KIAA1671: variants seen among roughly 807,000 people sequenced by gnomAD.
KIAA1671 encodes the protein KIAA1671.
In KIAA1671, 52 loss-of-function variants were observed where a neutral mutation model predicts 131.2. That is an observed-to-expected ratio of 0.40 (90% CI 0.32 to 0.50). The LOEUF is 0.50. KIAA1671 is among the 20% of genes least tolerant of loss of function. The probability of loss-of-function intolerance (pLI) is 0.73; values close to 1 mark genes in which losing one functional copy is unlikely to be tolerated. For missense variants in KIAA1671, 2,360 were observed against 2,364.2 expected (o/e 1.00, Z 0.04); for synonymous variants, 1,003 against 961.6 (o/e 1.04, Z -0.80).
At chr22:25,068,127 C>T (rs1928580784) in intron 6 of KIAA1671, among the ~76,000 whole-genome samples, 1 of 152,250 alleles carries the variant, frequency 6.6e-6, no homozygotes, top group South Asian at 2.1e-4. Context: ...GCTGGCTTTT[C>T]AGCTGTACTG....
At position 25,040,212 on chromosome 22, in the gene KIAA1671, T is replaced by C. The variant is rs1046201579; in HGVS notation, c.3082T>C (p.Phe1028Leu). Residue 1028 changes from phenylalanine (F) to leucine (L), a missense_variant, in exon 5 of 13, where the codon TTT becomes CTT. Phe to Leu is a conservative substitution (Grantham distance 22). This residue lies in a region of KIAA1671 where 1,161 missense variants were observed against 1,204.7 expected (regional missense o/e 0.96). Transcript: ENST00000358431. ...GSPVEPKATF[F>L]AVTYQIPNTQ... ...ACCTGTGGAACCCAAGGCGACATTT[T>C]TTGCAGTCACCTATCAGATTCCCAA... 2.6e-6 allele frequency: 4 copies of C among 1,551,574 alleles called. No homozygotes were observed. Among genetic ancestry groups the C allele is most frequent in the Non-Finnish European group, 3.5e-6 (4 of 1,147,026 alleles).
intron 6 of KIAA1671, chr22:25,060,072 G>A (rs1220671551): frequency 6.6e-6 from 1 of 152,222 alleles, no homozygotes; most frequent in East Asian, 1.9e-4. Flanking sequence ...GGGATTTCGT[G>A]ACAAATGGTG....
intron 6 of KIAA1671, among the ~76,000 whole-genome samples, chr22:25,090,316 A>T (rs1929963583): frequency 6.6e-6 from 1 of 152,238 alleles, no homozygotes; most frequent in Non-Finnish European, 1.5e-5. Flanking sequence ...TGAGAAGCCC[A>T]CAATGGCAGG....
intron 6 of KIAA1671, among the ~76,000 whole-genome samples, chr22:25,068,926 C>T (rs117625561): frequency 0.018 from 2,711 of 152,324 alleles, 41 homozygotes; most frequent in Non-Finnish European, 0.028. Flanking sequence ...ACACCTCCCC[C>T]GCCTCAGTTT....
At position 25,038,845 on chromosome 22, in the gene KIAA1671, C is replaced by A; in HGVS notation, c.1715C>A (p.Thr572Lys). ...ACACTCCGGGATAAGTCCAGGCAGA[C>A]GGAGCAGAAGGTTAGCTCTAACCAA... ...PGTLRDKSRQ[T>K]EQKVSSNQDP... The change falls in exon 5 of 13, where the codon ACG becomes AAG. Residue 572 changes from threonine (T) to lysine (K), a missense_variant. Physicochemically the swap from Thr to Lys is moderately conservative, Grantham distance 78 (BLOSUM62 -1). Coordinates refer to ENST00000358431, the MANE Select transcript of KIAA1671 (RefSeq NM_001145206.2). 1 of 1,551,750 alleles carries A rather than the reference C, an allele frequency of 6.4e-7. No homozygotes were observed. The highest frequency in any genetic ancestry group is 2.4e-5 in the East Asian group (1 of 40,914).
intron 6 of KIAA1671, among the ~76,000 whole-genome samples, chr22:25,150,656 C>T (rs183404324): frequency 1.8e-3 from 278 of 152,230 alleles, no homozygotes; most frequent in African/African-American, 6.3e-3. Flanking sequence ...AGAACTCGGG[C>T]GTAGCTGGAT....
chr22:25,159,316 G>A (rs16979674), intron 6 of KIAA1671, among the ~76,000 whole-genome samples: 35,012 of 152,062 alleles, frequency 0.23, 4,085 homozygotes, highest in South Asian at 0.36. Context: ...TGCACACCAC[G>A]GTGGATGACT....
chr22:25,106,177 C>G (rs747442372), intron 6 of KIAA1671, among the ~76,000 whole-genome samples: 1 of 152,164 alleles, frequency 6.6e-6, no homozygotes, highest in Non-Finnish European at 1.5e-5. Flanking sequence ...GGGCAGGGGA[C>G]AAAGCTAACT....
chr22:25,036,880 C>T (rs1031366453), intron 4 of KIAA1671, among the ~76,000 whole-genome samples: 4 of 151,044 alleles, frequency 2.6e-5, no homozygotes, highest in African/African-American at 9.7e-5. Context: ...GCCGAGATCG[C>T]GCCATTGTAC....
intron 5 of KIAA1671, among the ~76,000 whole-genome samples, chr22:25,046,781 G>C (rs915723780): frequency 3.9e-5 from 6 of 152,086 alleles, no homozygotes; most frequent in African/African-American, 1.4e-4. Context: ...GGTTGCCTAT[G>C]GGAGTAACAC....
At chr22:25,093,748 C>G (rs56376507) in intron 6 of KIAA1671, among the ~76,000 whole-genome samples, 56 of 111,470 alleles carry the variant, frequency 5.0e-4, no homozygotes, top group Non-Finnish European at 8.3e-4. Flanking sequence ...CTCTCTCTCT[C>G]TCTCTCTCTC....
intron 6 of KIAA1671, among the ~76,000 whole-genome samples, chr22:25,164,988 T>C (rs1242859477): frequency 3.8e-4 from 48 of 126,086 alleles, no homozygotes; most frequent in African/African-American, 1.9e-3. Flanking sequence ...CGTGTGTGTG[T>C]GTGTGTGTGT....
intron 9 of KIAA1671, among the ~76,000 whole-genome samples, chr22:25,177,992 C>T (rs1489266565): frequency 2.6e-5 from 4 of 152,142 alleles, no homozygotes; most frequent in Non-Finnish European, 5.9e-5. Context: ...AAGACGCTGG[C>T]AGTGCCCGGC....
chr22:25,103,475 C>T (rs1194569431), intron 6 of KIAA1671, among the ~76,000 whole-genome samples: 1 of 152,198 alleles, frequency 6.6e-6, no homozygotes, highest in Non-Finnish European at 1.5e-5. Flanking sequence ...TCTCCTGCCT[C>T]AGCCTCCCAA....
At chr22:25,174,914 A>T (rs1933971285) in intron 8 of KIAA1671, 1 of 159,272 alleles carries the variant, frequency 6.3e-6, no homozygotes, top group Admixed American at 6.2e-5. Context: ...GTTCTCACTA[A>T]GGTCTTGCTT....
chr22:25,095,531 G>T (rs756108755), intron 6 of KIAA1671, among the ~76,000 whole-genome samples: 7 of 152,110 alleles, frequency 4.6e-5, no homozygotes, highest in Non-Finnish European at 8.8e-5. Context: ...GGCACCTGTA[G>T]TGCCAGCTAC....
At chr22:25,125,249 A>T (rs1932125480) in intron 6 of KIAA1671, among the ~76,000 whole-genome samples, 1 of 152,226 alleles carries the variant, frequency 6.6e-6, no homozygotes, top group African/African-American at 2.4e-5. Context: ...AGATGGGGAA[A>T]TTAAGGCTTA....
chr22:25,185,241 G>A (rs776747024), intron 11 of KIAA1671, 122 bp downstream of exon 11: 24 of 1,058,126 alleles, frequency 2.3e-5, no homozygotes, highest in Middle Eastern at 2.5e-4. Flanking sequence ...ATTTTCTCTA[G>A]CAGCAGAAGC....
chr22:25,084,290 C>T (rs540090786), intron 6 of KIAA1671, among the ~76,000 whole-genome samples: 28 of 152,204 alleles, frequency 1.8e-4, no homozygotes, highest in African/African-American at 6.5e-4. Flanking sequence ...ACCTGGCCAA[C>T]ATGGTGACAC....
Sources: allele counts gnomAD v4.1 joint callset (sites outside exome capture counted in the v4.1 genomes callset), GRCh38; gene constraint gnomAD v4.1.1; regional missense constraint gnomAD v4.1.1; transcripts MANE v1.5; gene names NCBI Gene and HGNC (gene_info 2026-07-23, HGNC 2026-07-21).